Variants in ZNF385B observed in about 807,000 individuals in gnomAD.
ZNF385B encodes zinc finger protein 385B.
ZNF385B carries 23 observed loss-of-function variants against 39.2 expected under a neutral mutation model. The ratio of observed to expected loss-of-function variants is 0.59; its 90% CI spans 0.42 to 0.83. ZNF385B has a LOEUF of 0.83. ZNF385B is among the 40% of genes least tolerant of loss of function. The pLI is 0.00. For synonymous variants in ZNF385B, 205 were observed against 222.6 expected, an observed-to-expected ratio of 0.92 and a Z score of 0.70; for missense variants, 552 against 598.9, an observed-to-expected ratio of 0.92 and a Z score of 0.82.
chr2:179,683,747 A>G lies in ZNF385B; in HGVS notation c.298+85756T>C, dbSNP rs368814645. Among the ~76,000 whole-genome samples the G allele has an allele frequency of 1.7e-4, 26 of 152,274 alleles. No individual in the cohort carries two copies. The East Asian group carries it at 4.6e-3, about 27-fold the overall frequency. ...CGCCTCGGCCTCCCAAAGTGCTAGG[A>G]TTACAGGCGTGAGCCACGGTGCCTG... On this transcript the variant is annotated intron_variant, in intron 3 of 9. Transcript: ENST00000410066.
intron 3 of ZNF385B, among the ~76,000 whole-genome samples, chr2:179,693,259 A>G (rs918096690): frequency 1.3e-5 from 2 of 152,232 alleles, no homozygotes; most frequent in African/African-American, 4.8e-5. Context: ...TTATGTTAGC[A>G]ATTCTCATCT....
intron 3 of ZNF385B, among the ~76,000 whole-genome samples, chr2:179,586,728 G>A (rs1687104276): frequency 6.6e-6 from 1 of 152,204 alleles, no homozygotes; most frequent in Non-Finnish European, 1.5e-5. Flanking sequence ...GAAACAGTGA[G>A]CTAGATCATT....
chr2:179,552,371 T>G (rs1041721352), intron 3 of ZNF385B, among the ~76,000 whole-genome samples: 3 of 149,248 alleles, frequency 2.0e-5, no homozygotes, highest in Non-Finnish European at 4.4e-5. Context: ...TCTGTATATA[T>G]TCTATATCCT....
At chr2:179,634,044 T>C (rs1274161431) in intron 3 of ZNF385B, among the ~76,000 whole-genome samples, 1 of 152,156 alleles carries the variant, frequency 6.6e-6, no homozygotes, top group Non-Finnish European at 1.5e-5. Context: ...TTACACCTTA[T>C]ACAAAAATTA....
At chr2:179,653,282 C>T (rs950607822) in intron 3 of ZNF385B, among the ~76,000 whole-genome samples, 2 of 152,130 alleles carry the variant, frequency 1.3e-5, no homozygotes, top group African/African-American at 4.8e-5. Flanking sequence ...CCTCACTAGA[C>T]CCCGTGCACT....
chr2:179,644,574 C>T (rs1445881507), intron 3 of ZNF385B, among the ~76,000 whole-genome samples: 3 of 152,168 alleles, frequency 2.0e-5, no homozygotes, highest in Non-Finnish European at 4.4e-5. Context: ...CAAACAGTTT[C>T]CAGTGAAAGA....
intron 3 of ZNF385B, among the ~76,000 whole-genome samples, chr2:179,692,415 C>T (rs1575247882): frequency 6.6e-6 from 1 of 152,180 alleles, no homozygotes. Flanking sequence ...CCATTCTCTA[C>T]GTGGACTTTA....
intron 6 of ZNF385B, among the ~76,000 whole-genome samples, chr2:179,460,924 T>A (rs2051261013): frequency 6.6e-6 from 1 of 152,178 alleles, no homozygotes; most frequent in African/African-American, 2.4e-5. Flanking sequence ...ACTATTAAAC[T>A]TTTCCTACCA....
chr2:179,680,872 TAAG>T (rs994068783), intron 3 of ZNF385B, among the ~76,000 whole-genome samples: 1 of 152,138 alleles, frequency 6.6e-6, no homozygotes, highest in African/African-American at 2.4e-5. Context: ...CTGTGAGAGA[TAAG>T]AAGCACTGAA....
At chr2:179,510,467 G>T (rs1339084702) in intron 5 of ZNF385B, among the ~76,000 whole-genome samples, 1 of 151,150 alleles carries the variant, frequency 6.6e-6, no homozygotes, top group Non-Finnish European at 1.5e-5. Context: ...AATGTTCAAA[G>T]TTTTTTTTTG....
At position 179,769,701 on chromosome 2, in the gene ZNF385B, T is replaced by C. The variant is rs1309559421; in HGVS notation, c.100A>G (p.Arg34Gly). ...GFEEKGIKND[R>G]PEDQLSKEKK... is the part of the protein sequence containing the mutation. ...TCTTTGCTCAACTGGTCCTCAGGCC[T>C]GTCGTTCTTTATCCCCTTTTCTTCA... Residue 34 changes from arginine to glycine, a missense_variant, in exon 3 of 10, where the codon AGG becomes GGG. Transcript: ENST00000410066. 1.9e-6 allele frequency: 3 copies of C among 1,614,246 alleles called. No homozygotes were observed. Among genetic ancestry groups the C allele is most frequent in the Middle Eastern group, 1.6e-4 (1 of 6,062 alleles).
At position 179,446,869 on chromosome 2, in the gene ZNF385B, G is replaced by A. The variant is rs1157345990; in HGVS notation, c.716-99C>T. On this transcript the variant is annotated intron_variant, in intron 6 of 9. Transcript: ENST00000410066. ...TTAAAAATAGAAATTTGATTCTTAT[G>A]TGAAGTTTTTATTGCAGCATAGATT... 2.1e-5 allele frequency: 31 copies of A among 1,447,640 alleles called. No individual in the cohort carries two copies. The Admixed American group carries it at 2.1e-4, about 10-fold the overall frequency. The allele number at this position is 1,447,640 out of a possible 1,614,324, so 89.7% of individuals were successfully genotyped here.
chr2:179,551,727 C>A (rs1325383902), intron 3 of ZNF385B, among the ~76,000 whole-genome samples: 1 of 152,096 alleles, frequency 6.6e-6, no homozygotes, highest in Non-Finnish European at 1.5e-5. Flanking sequence ...AGTATGCCCA[C>A]AATCCCCTTC....
chr2:179,639,342 G>C (rs375056518), intron 3 of ZNF385B, among the ~76,000 whole-genome samples: 1 of 151,202 alleles, frequency 6.6e-6, no homozygotes, highest in African/African-American at 2.4e-5. Flanking sequence ...GAGATCTATT[G>C]TATAGCATGG....
intron 3 of ZNF385B, among the ~76,000 whole-genome samples, chr2:179,693,764 C>T (rs974066026): frequency 3.3e-5 from 5 of 152,244 alleles, no homozygotes; most frequent in African/African-American, 1.2e-4. Context: ...GTAAATTACA[C>T]ATTTGGTCCC....
At chr2:179,533,820 G>T (rs923344156) in intron 4 of ZNF385B, among the ~76,000 whole-genome samples, 1 of 152,142 alleles carries the variant, frequency 6.6e-6, no homozygotes, top group Non-Finnish European at 1.5e-5. Flanking sequence ...ATATTTGGAA[G>T]TCAACAGTAT....
At chr2:179,572,956 T>C (rs1685400599) in intron 3 of ZNF385B, among the ~76,000 whole-genome samples, 1 of 152,192 alleles carries the variant, frequency 6.6e-6, no homozygotes, top group Non-Finnish European at 1.5e-5. Flanking sequence ...TTGTTTAAAA[T>C]ATGTGGCTAT....
intron 3 of ZNF385B, among the ~76,000 whole-genome samples, chr2:179,648,590 A>G (rs1263882686): frequency 1.3e-5 from 2 of 152,064 alleles, no homozygotes; most frequent in Non-Finnish European, 1.5e-5. Flanking sequence ...TCCAAATACT[A>G]CCCTCCATTA....
chr2:179,859,096 C>G (rs1375579987), intron 1 of ZNF385B, among the ~76,000 whole-genome samples: 1 of 152,036 alleles, frequency 6.6e-6, no homozygotes, highest in African/African-American at 2.4e-5. Flanking sequence ...AAAAAGAATG[C>G]TGAGAGCACC....
Sources: allele counts gnomAD v4.1 joint callset (sites outside exome capture counted in the v4.1 genomes callset), GRCh38; gene constraint gnomAD v4.1.1; transcripts MANE v1.5; gene names NCBI Gene and HGNC (gene_info 2026-07-23, HGNC 2026-07-21).